The following SLC44A5 variants were observed in gnomAD, a reference collection of about 807,000 sequenced individuals.
The protein encoded by SLC44A5 is solute carrier family 44 member 5.
SLC44A5 carries 57 observed loss-of-function variants against 101.8 expected under a neutral mutation model. The ratio of observed to expected loss-of-function variants is 0.56; its 90% CI spans 0.45 to 0.70. The LOEUF is 0.70. SLC44A5 is among the 30% of genes least tolerant of loss of function. The pLI is 0.00. For missense variants in SLC44A5, 737 were observed against 853.1 expected, an observed-to-expected ratio of 0.86 and a Z score of 1.70; for synonymous variants, 281 against 290.9, an observed-to-expected ratio of 0.97 and a Z score of 0.35.
At chr1:75,502,810 G>A (rs2101844629) in intron 2 of SLC44A5, among the ~76,000 whole-genome samples, 1 of 149,386 alleles carries the variant, frequency 6.7e-6, no homozygotes, top group Middle Eastern at 3.6e-3. Context: ...GGCTCAAATA[G>A]GATTTTAGCA....
At chr1:75,352,125 GA>G (rs1262848228) in intron 3 of SLC44A5, among the ~76,000 whole-genome samples, 1 of 151,948 alleles carries the variant, frequency 6.6e-6, no homozygotes, top group African/African-American at 2.4e-5. Flanking sequence ...CCTAAGGAAG[GA>G]AAAAACAAAG....
intron 2 of SLC44A5, among the ~76,000 whole-genome samples, chr1:75,454,331 C>T (rs1289911855): frequency 1.3e-5 from 2 of 151,926 alleles, no homozygotes; most frequent in Non-Finnish European, 2.9e-5. Context: ...GCAGAAAAAG[C>T]TTTGATGAAA....
At chr1:75,338,577 G>A (rs1557678604) in intron 4 of SLC44A5, among the ~76,000 whole-genome samples, 1 of 152,148 alleles carries the variant, frequency 6.6e-6, no homozygotes, top group Non-Finnish European at 1.5e-5. Context: ...GAGGCTGTTT[G>A]TATACTAGAC....
chr1:75,372,912 T>G (rs1260038570), intron 3 of SLC44A5, among the ~76,000 whole-genome samples: 1 of 152,024 alleles, frequency 6.6e-6, no homozygotes, highest in Non-Finnish European at 1.5e-5. Flanking sequence ...TTTAGTAGAA[T>G]AAAAAAGAAT....
At chr1:75,634,920 G>C in the SLC44A5 span, among the ~76,000 whole-genome samples, 1 of 152,078 alleles carries the variant, frequency 6.6e-6, no homozygotes, top group East Asian at 1.9e-4. Context: ...CTGACAAAGG[G>C]CTAATATCTA....
intron 3 of SLC44A5, among the ~76,000 whole-genome samples, chr1:75,346,695 G>A (rs977510823): frequency 6.6e-6 from 1 of 152,058 alleles, no homozygotes; most frequent in Non-Finnish European, 1.5e-5. Context: ...AATTGAGCTT[G>A]AAGGTTATCA....
At chr1:75,390,237 G>C (rs1308878633) in intron 3 of SLC44A5, among the ~76,000 whole-genome samples, 1 of 151,936 alleles carries the variant, frequency 6.6e-6, no homozygotes, top group Non-Finnish European at 1.5e-5. Context: ...GTATAAAGAA[G>C]AGCTGGTACC....
intron 2 of SLC44A5, among the ~76,000 whole-genome samples, chr1:75,484,586 G>C (rs375961390): frequency 5.8e-4 from 89 of 152,302 alleles, no homozygotes; most frequent in African/African-American, 2.1e-3. Context: ...CAAGCCGTTG[G>C]TGTATCTACC....
chr1:75,696,949 TGG>T, the SLC44A5 span, among the ~76,000 whole-genome samples: 1 of 150,646 alleles, frequency 6.6e-6, no homozygotes, highest in East Asian at 1.9e-4. Context: ...CGATCAGGAG[TGG>T]GCCAGAGTTC....
chr1:75,591,787 T>A (rs1479330232), intron 1 of SLC44A5, among the ~76,000 whole-genome samples: 1 of 152,010 alleles, frequency 6.6e-6, no homozygotes, highest in Non-Finnish European at 1.5e-5. Context: ...ATATGATAAT[T>A]TCAATTGATG....
At chr1:75,347,887 T>A (rs1244818154) in intron 3 of SLC44A5, among the ~76,000 whole-genome samples, 1 of 152,184 alleles carries the variant, frequency 6.6e-6, no homozygotes, top group East Asian at 1.9e-4. Context: ...CAAAATGGAT[T>A]TTTTGTAAAG....
Position 75,213,705 on chromosome 1 carries a change from C to A in SLC44A5, c.1962G>T (p.Leu654=). 6.2e-7 allele frequency: 1 copy of A among 1,603,874 alleles called. No individual in the cohort carries two copies. The highest frequency in any genetic ancestry group is 8.5e-7 in the Non-Finnish European group (1 of 1,171,212). The change falls in exon 22 of 24, where the codon CTG becomes CTT. Residue 654 remains leucine (L), a splice_region_variant and synonymous_variant. Coordinates refer to ENST00000370859, the MANE Select transcript of SLC44A5 (RefSeq NM_001130058.2). ...ASLNYYWVPL[L]TVIFGSYLIA... ...TACTGACTCAGACACCAGCTCTTAC[C>A]AGCAAAGGTACCCAGTAGTAATTTA...
intron 7 of SLC44A5, among the ~76,000 whole-genome samples, chr1:75,249,601 C>T (rs1353546820): frequency 6.6e-6 from 1 of 152,162 alleles, no homozygotes; most frequent in Non-Finnish European, 1.5e-5. Context: ...GACTGTTCTC[C>T]ATTGCCACAA....
chr1:75,471,538 G>GA (rs1667112872), intron 2 of SLC44A5, among the ~76,000 whole-genome samples: 1 of 152,032 alleles, frequency 6.6e-6, no homozygotes, highest in Non-Finnish European at 1.5e-5. Flanking sequence ...ATGGCAGGGG[G>GA]AAAGCCCATG....
chr1:75,490,071 A>G (rs1668353015), intron 2 of SLC44A5, among the ~76,000 whole-genome samples: 1 of 152,120 alleles, frequency 6.6e-6, no homozygotes, highest in South Asian at 2.1e-4. Flanking sequence ...TTAATAAAAC[A>G]TCAGAAAAAT....
At chr1:75,369,012 TCA>T (rs963068916) in intron 3 of SLC44A5, among the ~76,000 whole-genome samples, 3 of 111,020 alleles carry the variant, frequency 2.7e-5, no homozygotes, top group African/African-American at 4.2e-5. Flanking sequence ...TCTCTCTTTC[TCA>T]CATTTTTTTT....
intron 1 of SLC44A5, among the ~76,000 whole-genome samples, chr1:75,579,826 T>TGCACACACACACACACACACAC (rs1673580461): frequency 6.7e-6 from 1 of 149,962 alleles, no homozygotes; most frequent in Admixed American, 6.7e-5. Flanking sequence ...TTCAACTATC[T>TGCACACACACACACACACACAC]ACACACACAC....
intron 2 of SLC44A5, among the ~76,000 whole-genome samples, chr1:75,439,378 T>C (rs944623817): frequency 1.3e-5 from 2 of 152,084 alleles, no homozygotes; most frequent in Non-Finnish European, 2.9e-5. Context: ...ATTTGAAAAG[T>C]AACTAACAAA....
intron 19 of SLC44A5, among the ~76,000 whole-genome samples, chr1:75,214,896 G>A (rs974078405): frequency 2.0e-5 from 3 of 152,128 alleles, no homozygotes; most frequent in Non-Finnish European, 4.4e-5. Context: ...GATACTGTAT[G>A]CCCTCAAACT....
Sources: gnomAD v4.1 joint callset for allele counts (sites outside exome capture counted in the v4.1 genomes callset) on GRCh38, gnomAD v4.1.1 for gene constraint, MANE v1.5 for transcripts, NCBI Gene and HGNC (gene_info 2026-07-23, HGNC 2026-07-21) for gene names.